The following RAB10 variants were observed in gnomAD, a reference collection of about 807,000 sequenced individuals.
RAB10 encodes the protein ras-related protein Rab-10.
RAB10 carries 5 observed loss-of-function variants against 25.7 expected under a neutral mutation model. The observed-to-expected ratio is 0.19, with a 90% CI of 0.10 to 0.41. The LOEUF (loss-of-function observed/expected upper bound fraction) is 0.41. RAB10 is among the 10% of genes least tolerant of loss of function. The pLI is 1.00. For synonymous variants in RAB10, 89 were observed against 86.4 expected, an observed-to-expected ratio of 1.03 and a Z score of -0.16; for missense variants, 103 against 245.8, an observed-to-expected ratio of 0.42 and a Z score of 3.89.
chr2:26,111,342 C>T lies in RAB10; in HGVS notation c.327+1436C>T, dbSNP rs139890084. On this transcript the variant is annotated intron_variant, in intron 3 of 5. Transcript: ENST00000264710. Reference sequence around the variant, plus strand: ...GATCTTGGCTGGGCGCGGTGGCTCACGCCTGTAATCCCAGCACTCTGGGAG... The same window carrying T: ...GATCTTGGCTGGGCGCGGTGGCTCATGCCTGTAATCCCAGCACTCTGGGAG... Among the ~76,000 whole-genome samples, 713 of 152,226 alleles carry T rather than the reference C, an allele frequency of 4.7e-3. 5 individuals carry two copies. Among genetic ancestry groups the T allele is most frequent in the African/African-American group, 0.016 (676 of 41,542 alleles).
At chr2:26,093,373 C>T (rs1667148332) in intron 1 of RAB10, among the ~76,000 whole-genome samples, 2 of 152,046 alleles carry the variant, frequency 1.3e-5, no homozygotes, top group East Asian at 3.9e-4. Flanking sequence ...ATCCATCTGC[C>T]ATGGAAAGAC....
chr2:26,046,562 T>A (rs868571922), intron 1 of RAB10, among the ~76,000 whole-genome samples: 3 of 152,164 alleles, frequency 2.0e-5, no homozygotes, highest in Admixed American at 6.5e-5. Flanking sequence ...CATTTCTTTT[T>A]TTTATTTATT....
intron 1 of RAB10, among the ~76,000 whole-genome samples, chr2:26,040,050 A>C (rs1273291206): frequency 6.6e-6 from 1 of 152,206 alleles, no homozygotes; most frequent in African/African-American, 2.4e-5. Flanking sequence ...GTATGTGTCT[A>C]AACAATGTAA....
intron 5 of RAB10, among the ~76,000 whole-genome samples, chr2:26,133,974 C>T (rs186290964): frequency 1.3e-5 from 2 of 152,168 alleles, no homozygotes; most frequent in Non-Finnish European, 2.9e-5. Flanking sequence ...ACACCCGGCC[C>T]TTCTGATTTT....
At chr2:26,104,328 G>C (rs1388381345) in intron 2 of RAB10, among the ~76,000 whole-genome samples, 1 of 152,206 alleles carries the variant, frequency 6.6e-6, no homozygotes, top group Non-Finnish European at 1.5e-5. Context: ...TTTCACTAAT[G>C]ACTAAGGATG....
intron 1 of RAB10, among the ~76,000 whole-genome samples, chr2:26,089,152 C>T (rs986583723): frequency 4.6e-5 from 7 of 151,870 alleles, no homozygotes; most frequent in Admixed American, 3.9e-4. Flanking sequence ...AGGCCGGGCA[C>T]GATGGCTCAT....
At chr2:26,112,034 A>G (rs1667582835) in intron 3 of RAB10, among the ~76,000 whole-genome samples, 1 of 152,200 alleles carries the variant, frequency 6.6e-6, no homozygotes, top group Non-Finnish European at 1.5e-5. Flanking sequence ...CAGTTTCATT[A>G]TAAAGTATAC....
intron 1 of RAB10, among the ~76,000 whole-genome samples, chr2:26,065,815 C>T (rs1220540757): frequency 2.0e-5 from 3 of 152,216 alleles, no homozygotes; most frequent in African/African-American, 4.8e-5. Flanking sequence ...ACATCTACAG[C>T]GTATCTTTCA....
intron 1 of RAB10, among the ~76,000 whole-genome samples, chr2:26,095,253 T>C (rs994718404): frequency 1.6e-4 from 24 of 152,120 alleles, no homozygotes; most frequent in African/African-American, 5.8e-4. Flanking sequence ...ATTTATTGGT[T>C]CCAATTACTT....
chr2:26,073,689 A>G (rs1266868028), intron 1 of RAB10, among the ~76,000 whole-genome samples: 2 of 152,248 alleles, frequency 1.3e-5, no homozygotes, highest in Non-Finnish European at 2.9e-5. Flanking sequence ...ACAGTCAGCT[A>G]TGAACACTGC....
intron 1 of RAB10, among the ~76,000 whole-genome samples, chr2:26,084,707 C>G (rs1666940341): frequency 4.3e-5 from 1 of 23,480 alleles, no homozygotes; most frequent in Admixed American, 3.7e-4. Flanking sequence ...TACATTTTAC[C>G]CCTTCAGTTT....
chr2:26,035,632 T>C (rs1311212563), intron 1 of RAB10, among the ~76,000 whole-genome samples: 1 of 152,212 alleles, frequency 6.6e-6, no homozygotes, highest in African/African-American at 2.4e-5. Context: ...TGACGCTAAT[T>C]GTGCTATATT....
rs1559590791 is a variant in RAB10 at position 26,092,286 on chromosome 2, TGTGTGTGTGTGTGTGTGTGTGTGTGTG to T, written c.128-6375_128-6349del. On this transcript the variant is annotated intron_variant, in intron 1 of 5. Coordinates refer to ENST00000264710, the MANE Select transcript of RAB10 (RefSeq NM_016131.5). ...CTGTGTGTGTGTGTGTGTGTGTGTG[TGTGTGTGTGTGTGTGTGTGTGTGTGTG>T]TGTGTGTGTTGGGGTGGTTAATAAT... Among the ~76,000 whole-genome samples, 1,095 of 132,420 alleles carry T rather than the reference TGTGTGTGTGTGTGTGTGTGTGTGTGTG, an allele frequency of 8.3e-3. 18 individuals carry two copies. The highest frequency in any genetic ancestry group is 0.034 in the African/African-American group (1,057 of 31,076). The allele number at this position is 132,420 out of a possible 152,430, so 86.9% of individuals were successfully genotyped here. A position where few individuals can be genotyped will look rare whatever the true frequency, so the allele number is the denominator to read the frequency against.
chr2:26,067,092 T>C (rs1666530331), intron 1 of RAB10, among the ~76,000 whole-genome samples: 3 of 152,058 alleles, frequency 2.0e-5, no homozygotes, highest in Non-Finnish European at 4.4e-5. Flanking sequence ...ATTTTTTGTA[T>C]TTTTTGTAGA....
Position 26,034,517 on chromosome 2 carries a change from G to A in RAB10, c.-92G>A, listed in dbSNP as rs1665720023. The A allele has an allele frequency of 1.3e-6, 2 of 1,553,688 alleles. No individual in the cohort carries two copies. Among genetic ancestry groups the A allele is most frequent in the African/African-American group, 1.4e-5 (1 of 73,452 alleles). ...TTTTCCCACGCTTCCCCGGTCCTCC[G>A]GCCTGAGAACGCCCGAGTGAGGAGT... is the stretch of plus-strand genomic sequence containing the variant. On this transcript the variant is annotated 5_prime_UTR_variant, in exon 1 of 6. Transcript: ENST00000264710.
chr2:26,081,375 C>T (rs1302727564), intron 1 of RAB10, among the ~76,000 whole-genome samples: 1 of 152,118 alleles, frequency 6.6e-6, no homozygotes, highest in African/African-American at 2.4e-5. Flanking sequence ...CCTGACTCCT[C>T]CACCCCAAAA....
chr2:26,066,222 G>A (rs1666509663), intron 1 of RAB10, among the ~76,000 whole-genome samples: 2 of 151,990 alleles, frequency 1.3e-5, no homozygotes, highest in Admixed American at 6.6e-5. Flanking sequence ...TGCTAGTGAA[G>A]CCAACATGAA....
At chr2:26,052,586 C>T (rs941168829) in intron 1 of RAB10, among the ~76,000 whole-genome samples, 1 of 150,702 alleles carries the variant, frequency 6.6e-6, no homozygotes, top group African/African-American at 2.4e-5. Flanking sequence ...TGCCTCGAAT[C>T]TGGGGAGGAG....
At chr2:26,119,942 G>A (rs549318526) in intron 3 of RAB10, among the ~76,000 whole-genome samples, 30 of 152,316 alleles carry the variant, frequency 2.0e-4, no homozygotes, top group African/African-American at 7.2e-4. Context: ...TGGCGTGGAG[G>A]TGTAGTAGGT....
Sources: allele counts gnomAD v4.1 joint callset (sites outside exome capture counted in the v4.1 genomes callset), GRCh38; gene constraint gnomAD v4.1.1; transcripts MANE v1.5; gene names NCBI Gene and HGNC (gene_info 2026-07-23, HGNC 2026-07-21).